POM121: variants seen among roughly 807,000 people sequenced by gnomAD.
The protein encoded by POM121 is POM121 transmembrane nucleoporin.
Under a neutral mutation model 81.3 loss-of-function variants are expected in POM121, and 32 were observed. The ratio of observed to expected loss-of-function variants is 0.39; its 90% CI spans 0.30 to 0.53. The LOEUF is 0.53. POM121 is among the 20% of genes least tolerant of loss of function. The pLI, the probability that POM121 is intolerant of heterozygous loss-of-function variation, is 0.66. For missense variants in POM121, 1,138 were observed against 1,614.6 expected (o/e 0.70, Z 5.06); for synonymous variants, 514 against 694.2 (o/e 0.74, Z 4.08).
rs572180969 is a variant in POM121, at chr7:72,946,554, C to G, written c.*320C>G. 4.4e-4 allele frequency: 479 copies of G among 1,086,184 alleles called. 1 individual carries two copies. The African/African-American group carries it at 7.6e-3, about 17-fold the overall frequency. The allele number at this position is 1,086,184 out of a possible 1,614,324, so 67.3% of individuals were successfully genotyped here. On this transcript the variant is annotated 3_prime_UTR_variant, in exon 13 of 13. Coordinates refer to ENST00000434423, the MANE Select transcript of POM121 (RefSeq NM_001387691.1). ...GACTCCCGCTTAGCACACCCTTAGG[C>G]AGGCGCCCCTTCCACCTTTCCCCGA... is the stretch of plus-strand genomic sequence containing the variant.
Position 72,892,888 on chromosome 7 carries a change from A to G in POM121, c.-216+1778A>G, listed in dbSNP as rs188956819. Among the ~76,000 whole-genome samples the G allele has an allele frequency of 3.7e-3, 567 of 151,638 alleles. 4 individuals carry two copies. Among genetic ancestry groups the G allele is most frequent in the African/African-American group, 0.013 (525 of 41,296 alleles). ...CACCATATTGGTCAGGCTGGTCTCT[A>G]ACTCCTGACCTTGTGATCCACCTGC... On this transcript the variant is annotated intron_variant, in intron 3 of 15. Transcript: ENST00000395270.
intron 3 of POM121, among the ~76,000 whole-genome samples, chr7:72,901,826 A>T (rs545779470): frequency 1.3e-5 from 2 of 150,760 alleles, no homozygotes; most frequent in African/African-American, 4.9e-5. Context: ...AAAGCATACA[A>T]TTCAGGCTGG....
rs149096625 is a variant in POM121, at chr7:72,932,671, C to T, written c.1275+2560C>T. ...ATGCACCACTCAGCATTCCCCTCAG[C>T]GTTGTATGAGAGGGACCATTTCTCC... On this transcript the variant is annotated intron_variant, in intron 5 of 12. Transcript: ENST00000434423. 4.0e-3 allele frequency among the ~76,000 whole-genome samples: 611 copies of T among 152,286 alleles called. 6 individuals are homozygous for T. Among genetic ancestry groups the T allele is most frequent in the East Asian group, 0.031 (162 of 5,184 alleles).
upstream of POM121, chr7:72,924,966 C>A (rs1586144759): frequency 8.0e-7 from 1 of 1,254,416 alleles, no homozygotes. Context: ...GCGTTAAAGG[C>A]AGGCGGCATT....
intron 1 of POM121, among the ~76,000 whole-genome samples, chr7:72,883,776 CTTT>C (rs1790401690): frequency 6.6e-6 from 1 of 151,896 alleles, no homozygotes; most frequent in Non-Finnish European, 1.5e-5. Flanking sequence ...GTGTTACCTT[CTTT>C]GTTTTTGTGA....
rs370189727 is a variant in POM121, at chr7:72,900,539, C to T, written c.-216+9429C>T. Among the ~76,000 whole-genome samples the T allele has an allele frequency of 2.0e-5, 3 of 152,272 alleles. No individual in the cohort carries two copies. The South Asian group carries it at 6.2e-4, about 32-fold the overall frequency. On this transcript the variant is annotated intron_variant, in intron 3 of 15. Coordinates refer to the POM121 transcript ENST00000395270. Reference sequence around the variant, plus strand: ...TTATTTTTTGAGATGGAGTCTTGCTCTGTCACCCAGGCTGGAGTGCAGTGG... The same window carrying T: ...TTATTTTTTGAGATGGAGTCTTGCTTTGTCACCCAGGCTGGAGTGCAGTGG...
In POM121 at chr7:72,946,419, G is replaced by C; in HGVS notation, c.*185G>C. ...CTTCTGGAGGAAGCACAAGCCTCAG[G>C]GAAGGGGAAGCAGGATGCGGAGGGC... On this transcript the variant is annotated 3_prime_UTR_variant, in exon 13 of 13. Coordinates refer to ENST00000434423, the MANE Select transcript of POM121 (RefSeq NM_001387691.1). 1.4e-6 allele frequency: 2 copies of C among 1,422,300 alleles called. No individual in the cohort carries two copies. Among genetic ancestry groups the C allele is most frequent in the Non-Finnish European group, 1.8e-6 (2 of 1,084,754 alleles). The allele number at this position is 1,422,300 out of a possible 1,614,324, so 88.1% of individuals were successfully genotyped here. A position where few individuals can be genotyped will look rare whatever the true frequency, so the allele number is the denominator to read the frequency against.
Position 72,943,104 on chromosome 7 carries a change from G to A in POM121, c.3111G>A (p.Ala1037=), listed in dbSNP as rs547683490. The A allele has an allele frequency of 1.2e-5, 19 of 1,613,506 alleles. No homozygotes were observed. Among genetic ancestry groups the A allele is most frequent in the East Asian group, 2.2e-5 (1 of 44,872 alleles). The change falls in exon 11 of 13, where the codon GCG becomes GCA. Residue 1037 remains alanine (A), a synonymous_variant. Transcript: ENST00000434423. Reference sequence around the variant, plus strand: ...TCTTTGGCGGTGCCACGCACTCGGCGTTTGGGTTGAAAGCCACGGCTTCGG... The same window carrying A: ...TCTTTGGCGGTGCCACGCACTCGGCATTTGGGTTGAAAGCCACGGCTTCGG... ...HPIFGGATHS[A]FGLKATASAF...
At chr7:72,921,124 C>T (rs1344050219), upstream of POM121, among the ~76,000 whole-genome samples, 2 of 152,140 alleles carry the variant, frequency 1.3e-5, no homozygotes, top group Non-Finnish European at 2.9e-5. Flanking sequence ...GCGGAGGTTG[C>T]AGTGAGCCGA....
intron 1 of POM121, among the ~76,000 whole-genome samples, chr7:72,886,988 C>A (rs1790785044): frequency 6.6e-6 from 1 of 151,812 alleles, no homozygotes; most frequent in African/African-American, 2.4e-5. Context: ...GTACCCGCCA[C>A]CTCCCCTCCA....
chr7:72,926,639 C>T (rs1407780398), intron 2 of POM121, among the ~76,000 whole-genome samples, 162 bp downstream of exon 2: 5 of 152,136 alleles, frequency 3.3e-5, no homozygotes, highest in African/African-American at 9.7e-5. Context: ...TCACTTTTTG[C>T]TCTTAACGAA....
rs532429995 is a variant in POM121 at position 72,882,453 on chromosome 7, G to A, written c.-521+2568G>A. Among the ~76,000 whole-genome samples the A allele has an allele frequency of 1.6e-4, 25 of 152,254 alleles. No individual in the cohort carries two copies. In the South Asian group the frequency reaches 5.0e-3, roughly 30 times the overall value. On this transcript the variant is annotated intron_variant, in intron 1 of 15. Coordinates refer to the POM121 transcript ENST00000395270. ...ACTTGTGGATTTAAAAGATTTTCTA[G>A]GACTTTGAAAAATTTCTTCATTCAA... is the stretch of plus-strand genomic sequence containing the variant.
chr7:72,935,604 C>G (rs1188440930), intron 5 of POM121, among the ~76,000 whole-genome samples: 3 of 151,898 alleles, frequency 2.0e-5, no homozygotes, highest in Admixed American at 6.6e-5. Context: ...CCTCAGACTT[C>G]CGAGTAGCTG....
Position 72,898,120 on chromosome 7 carries a change from G to C in POM121, c.-216+7010G>C, listed in dbSNP as rs556180152. 4.3e-3 allele frequency among the ~76,000 whole-genome samples: 648 copies of C among 152,320 alleles called. 1 individual carries two copies. The highest frequency in any genetic ancestry group is 6.8e-3 in the Middle Eastern group (2 of 294). ...AAGGATGACTCCAGGATTTTTGTTA[G>C]GTGAACTTTAAGAATGGAGTTGTTA... is the stretch of plus-strand genomic sequence containing the variant. On this transcript the variant is annotated intron_variant, in intron 3 of 15. Coordinates refer to the POM121 transcript ENST00000395270.
chr7:72,884,842 T>C (rs868980778), intron 1 of POM121, among the ~76,000 whole-genome samples: 1 of 124,336 alleles, frequency 8.0e-6, no homozygotes, highest in African/African-American at 2.9e-5. Context: ...TTTTAGATTG[T>C]AGCTCATAAA....
intron 3 of POM121, among the ~76,000 whole-genome samples, chr7:72,898,776 T>C (rs1282227965): frequency 1.6e-5 from 2 of 128,608 alleles, no homozygotes; most frequent in Admixed American, 9.7e-5. Flanking sequence ...CCAGCCTGGG[T>C]GACAGAGTGA....
At position 72,942,866 on chromosome 7, in the gene POM121, C is replaced by T. The variant is rs782295443; in HGVS notation, c.2873C>T (p.Ser958Phe). The change falls in exon 11 of 13, where the codon TCC becomes TTC. Residue 958 changes from serine (S) to phenylalanine (F), a missense_variant. This residue lies in a region of POM121 where 45 missense variants were observed against 75.7 expected (regional missense o/e 0.59). Coordinates refer to ENST00000434423, the MANE Select transcript of POM121 (RefSeq NM_001387691.1). ...FNIPFGSSAKSPLPSYPGANP... is the reference protein window; with the variant it reads ...FNIPFGSSAKFPLPSYPGANP... ...ATTCCCTTTGGCTCAAGCGCCAAGT[C>T]CCCGCTCCCATCATATCCGGGAGCC... is the stretch of plus-strand genomic sequence containing the variant. The T allele has an allele frequency of 1.3e-6, 2 of 1,589,120 alleles. No homozygotes were observed. The highest frequency in any genetic ancestry group is 8.6e-7 in the Non-Finnish European group (1 of 1,169,224).
chr7:72,883,965 G>A (rs1224036429), intron 1 of POM121, among the ~76,000 whole-genome samples: 8 of 152,064 alleles, frequency 5.3e-5, no homozygotes, highest in South Asian at 2.1e-4. Flanking sequence ...ACCCAGGCTG[G>A]CACATTTATG....
intron 1 of POM121, among the ~76,000 whole-genome samples, chr7:72,881,827 C>T (rs1307278394): frequency 2.6e-5 from 4 of 152,028 alleles, no homozygotes; most frequent in African/African-American, 9.7e-5. Flanking sequence ...GATGGGGTTT[C>T]ACTATGTTGG....
Sources: gnomAD v4.1 joint callset for allele counts (sites outside exome capture counted in the v4.1 genomes callset) on GRCh38, gnomAD v4.1.1 for gene constraint, gnomAD v4.1.1 regional missense constraint, MANE v1.5 for transcripts, NCBI Gene and HGNC (gene_info 2026-07-23, HGNC 2026-07-21) for gene names.